DIPK1C: variants seen among roughly 807,000 people sequenced by gnomAD.
DIPK1C encodes the protein divergent protein kinase domain 1C, also known as familial non-conventional Alzheimer's dementia.
DIPK1C carries 33 observed loss-of-function variants against 28.0 expected under a neutral mutation model. The observed-to-expected ratio is 1.18, with a 90% confidence interval of 0.89 to 1.58. The LOEUF is 1.58. Among genes scored for constraint, DIPK1C ranks in the 40% most tolerant of loss-of-function variants. The pLI is 0.00. For missense variants in DIPK1C, 569 were observed against 568.5 expected (o/e 1.00, Z -0.01); for synonymous variants, 255 against 248.8 (o/e 1.02, Z -0.23).
At chr18:74,442,485 C>G (rs1427250618) in intron 2 of DIPK1C, among the ~76,000 whole-genome samples, 2 of 152,026 alleles carry the variant, frequency 1.3e-5, no homozygotes, top group African/African-American at 4.8e-5. Flanking sequence ...CCCACCACCA[C>G]ACCCGGCTAA....
upstream of DIPK1C, among the ~76,000 whole-genome samples, chr18:74,462,119 C>T (rs138957919): frequency 3.9e-5 from 6 of 152,254 alleles, no homozygotes; most frequent in African/African-American, 1.4e-4. Context: ...ATGAAATTTC[C>T]TGAGTTTTAG....
At chr18:74,453,816 C>T (rs1016008324) in intron 1 of DIPK1C, among the ~76,000 whole-genome samples, 3 of 152,224 alleles carry the variant, frequency 2.0e-5, no homozygotes, top group Non-Finnish European at 4.4e-5. Context: ...CAGGGCAAGT[C>T]ACTTCACCTC....
At chr18:74,463,861 C>T in the DIPK1C span, among the ~76,000 whole-genome samples, 1 of 152,288 alleles carries the variant, frequency 6.6e-6, no homozygotes, top group South Asian at 2.1e-4. Context: ...AAATCAGCAC[C>T]GACTGGGTGG....
chr18:74,454,820 G>A (rs935392903), intron 1 of DIPK1C, among the ~76,000 whole-genome samples: 1 of 152,086 alleles, frequency 6.6e-6, no homozygotes, highest in Admixed American at 6.5e-5. Flanking sequence ...TTTGAGCCAG[G>A]GCACTGTGTG....
chr18:74,454,161 C>T (rs1054518109), intron 1 of DIPK1C, among the ~76,000 whole-genome samples: 20 of 151,074 alleles, frequency 1.3e-4, no homozygotes, highest in African/African-American at 3.9e-4. Context: ...ATTAAAGCTG[C>T]CATTAAGAGG....
Position 74,436,567 on chromosome 18 carries a change from G to T in DIPK1C, c.1194C>A (p.Ser398Arg), listed in dbSNP as rs757175815. 6.2e-7 allele frequency: 1 copy of T among 1,610,370 alleles called. No homozygotes were observed. The highest frequency in any genetic ancestry group is 8.5e-7 in the Non-Finnish European group (1 of 1,179,202). ...GGAGTTGGCGAAGCTTCCAGAACAC[G>T]CTGGAGGCTGCTCTCCGGGTGTTCC... ...PSGNTRRAAS[S>R]VFWKLRQLLQ... is the part of the protein sequence containing the mutation. Residue 398 changes from serine to arginine, a missense_variant, in exon 4 of 4, where the codon AGC (serine) becomes AGA (arginine). Ser to Arg is a moderately radical substitution (Grantham distance 110, BLOSUM62 -1). Coordinates refer to ENST00000343998, the MANE Select transcript of DIPK1C (RefSeq NM_001044369.3).
rs1204205357 is a variant in DIPK1C, at chr18:74,455,748, G to GA, written c.198+1313dup. ...CATAAAAAAAAAAGAAAAAGAAAAA[G>GA]AAAAAAAAAACCAAACCAACAACAA... On this transcript the variant is annotated intron_variant, in intron 1 of 3. Coordinates refer to ENST00000343998, the MANE Select transcript of DIPK1C (RefSeq NM_001044369.3). Among the ~76,000 whole-genome samples the GA allele has an allele frequency of 2.6e-3, 327 of 125,814 alleles. 2 individuals are homozygous for GA. Among genetic ancestry groups the GA allele is most frequent in the Middle Eastern group, 0.013 (3 of 240 alleles). The allele number at this position is 125,814 out of a possible 152,430, so 82.5% of individuals were successfully genotyped here.
At position 74,457,084 on chromosome 18, in the gene DIPK1C, C is replaced by T. The variant is rs1986531385; in HGVS notation, c.176G>A (p.Ser59Asn). ...TACCAGCGCGGCCAGGATGCGCCGG[C>T]TCTTCTCGTCGGTGCAGCGCTCGGA... ...VLSERCTDEK[S>N]RRILAALCQD... Residue 59 changes from serine to asparagine, a missense_variant, in exon 1 of 4, where the codon AGC (serine) becomes AAC (asparagine). Physicochemically the swap from Ser to Asn is conservative, Grantham distance 46. Coordinates refer to ENST00000343998, the MANE Select transcript of DIPK1C (RefSeq NM_001044369.3). The T allele has an allele frequency of 6.1e-6, 9 of 1,467,578 alleles. No individual in the cohort carries two copies. The South Asian group carries it at 7.8e-5, about 13-fold the overall frequency. The allele number at this position is 1,467,578 out of a possible 1,614,324, so 90.9% of individuals were successfully genotyped here.
In DIPK1C at chr18:74,446,841, C is replaced by G; in HGVS notation, c.641G>C (p.Gly214Ala). The change falls in exon 2 of 4, where the codon GGT becomes GCT. Residue 214 changes from glycine (G) to alanine (A), a missense_variant. By Grantham distance (60) the Gly-to-Ala change is moderately conservative (BLOSUM62 0). Transcript: ENST00000343998. ...CACCGCGTAGAAGTGGCCGCAGGAACCCAGCACGGGCAGCACGTGTGGGCT... is the reference window on the plus strand; with the variant it reads ...CACCGCGTAGAAGTGGCCGCAGGAAGCCAGCACGGGCAGCACGTGTGGGCT... ...DLSPHVLPVL[G>A]SCGHFYAVEF... 1 of 1,504,510 alleles carries G rather than the reference C, an allele frequency of 6.6e-7. No individual in the cohort carries two copies. The highest frequency in any genetic ancestry group is 2.2e-5 in the Admixed American group (1 of 44,980). The allele number at this position is 1,504,510 out of a possible 1,614,324, so 93.2% of individuals were successfully genotyped here. A position where few individuals can be genotyped will look rare whatever the true frequency, so the allele number is the denominator to read the frequency against.
chr18:74,444,656 C>T (rs1986219195), intron 2 of DIPK1C, among the ~76,000 whole-genome samples: 3 of 152,150 alleles, frequency 2.0e-5, no homozygotes. Flanking sequence ...AAAAGTTGTA[C>T]AGTCTTGGGT....
chr18:74,444,174 A>G lies in DIPK1C; in HGVS notation c.877-2058T>C, dbSNP rs933606283. On this transcript the variant is annotated intron_variant, in intron 2 of 3. Transcript: ENST00000343998. ...TTCCTCCTGGCATCAGAGGAGGAAG[A>G]TGAATGAGAATTATTTCATTCTTCA... 2.0e-5 allele frequency among the ~76,000 whole-genome samples: 3 copies of G among 152,206 alleles called. No homozygotes were observed. The South Asian group carries it at 6.2e-4, about 32-fold the overall frequency.
At position 74,434,939 on chromosome 18, in the gene DIPK1C, A is replaced by G. The variant is rs1178807836; in HGVS notation, c.*1562T>C. The G allele has an allele frequency of 6.6e-6, 1 of 152,266 alleles. No individual in the cohort carries two copies. Among genetic ancestry groups the G allele is most frequent in the Admixed American group, 6.5e-5 (1 of 15,282 alleles). 9.4% of individuals were successfully genotyped at this position (152,266 alleles called of 1,614,324 possible). On this transcript the variant is annotated 3_prime_UTR_variant, in exon 4 of 4. Transcript: ENST00000343998. ...GGAAGATCCCCAGTGGTGATGGGTAAGAATAACAGCTGGCAGTGGGCCTTC... is the reference window on the plus strand; with the variant it reads ...GGAAGATCCCCAGTGGTGATGGGTAGGAATAACAGCTGGCAGTGGGCCTTC...
At position 74,441,941 on chromosome 18, in the gene DIPK1C, G is replaced by GA; in HGVS notation, c.1041+10dup. The stretch of plus-strand genomic sequence containing the variant: ...ACCCTCTCCTCCCCCAGCCCTGGCG[G>GA]ACTCTCATACCTGCAGGTTGTTGTT... On this transcript the variant is annotated intron_variant, in intron 3 of 3. Transcript: ENST00000343998. 1 of 1,610,008 alleles carries GA rather than the reference G, an allele frequency of 6.2e-7. No homozygotes were observed. The highest frequency in any genetic ancestry group is 8.5e-7 in the Non-Finnish European group (1 of 1,177,384).
At chr18:74,458,466 C>G (rs140974354), upstream of DIPK1C, among the ~76,000 whole-genome samples, 1 of 152,004 alleles carries the variant, frequency 6.6e-6, no homozygotes, top group Admixed American at 6.6e-5. Context: ...TTCTGCAACT[C>G]GCTGCTTTAA....
At chr18:74,442,453 A>T (rs555176050) in intron 2 of DIPK1C, among the ~76,000 whole-genome samples, 1 of 152,044 alleles carries the variant, frequency 6.6e-6, no homozygotes, top group African/African-American at 2.4e-5. Flanking sequence ...CTCAGCCTCC[A>T]GAGTAGCTGG....
Position 74,457,297 on chromosome 18 carries a change from G to T in DIPK1C, c.-38C>A, listed in dbSNP as rs1465483701. 4.1e-6 allele frequency: 4 copies of T among 983,410 alleles called. No homozygotes were observed. Among genetic ancestry groups the T allele is most frequent in the Non-Finnish European group, 3.6e-6 (3 of 828,772 alleles). 60.9% of individuals were successfully genotyped at this position (983,410 alleles called of 1,614,324 possible). A position where few individuals can be genotyped will look rare whatever the true frequency, so the allele number is the denominator to read the frequency against. Reference sequence around the variant, plus strand: ...CCGCGCCCGGGCCCCACCGCCGCCCGCGCCCCGAGTTCCGCACTCGCGTAG... The same window carrying T: ...CCGCGCCCGGGCCCCACCGCCGCCCTCGCCCCGAGTTCCGCACTCGCGTAG... On this transcript the variant is annotated 5_prime_UTR_variant, in exon 1 of 4. Transcript: ENST00000343998.
chr18:74,443,470 T>C (rs1288043442), intron 2 of DIPK1C, among the ~76,000 whole-genome samples: 3 of 152,202 alleles, frequency 2.0e-5, no homozygotes, highest in Non-Finnish European at 2.9e-5. Context: ...CCCTCTTCAA[T>C]TCTACGCAGT....
rs1317277713 is a variant in DIPK1C, at chr18:74,436,459, G to C, written c.*42C>G. 2 of 1,515,954 alleles carry C rather than the reference G, an allele frequency of 1.3e-6. No individual in the cohort carries two copies. Among genetic ancestry groups the C allele is most frequent in the Non-Finnish European group, 1.8e-6 (2 of 1,124,686 alleles). The allele number at this position is 1,515,954 out of a possible 1,614,324, so 93.9% of individuals were successfully genotyped here. A position where few individuals can be genotyped will look rare whatever the true frequency, so the allele number is the denominator to read the frequency against. Reference sequence around the variant, plus strand: ...ACAATGGCAGAAGAAATCCAGCCAAGGTCACTTTTCCTGTGTGAGCATGTT... The same window carrying C: ...ACAATGGCAGAAGAAATCCAGCCAACGTCACTTTTCCTGTGTGAGCATGTT... On this transcript the variant is annotated 3_prime_UTR_variant, in exon 4 of 4. Transcript: ENST00000343998.
At chr18:74,450,463 G>A (rs530842757) in intron 1 of DIPK1C, among the ~76,000 whole-genome samples, 2 of 152,308 alleles carry the variant, frequency 1.3e-5, no homozygotes, top group South Asian at 2.1e-4. Flanking sequence ...AGGGGAGGGC[G>A]GGGAGATGTG....
Sources: gnomAD v4.1 joint callset for allele counts (sites outside exome capture counted in the v4.1 genomes callset) on GRCh38, gnomAD v4.1.1 for gene constraint, MANE v1.5 for transcripts, NCBI Gene and HGNC (gene_info 2026-07-23, HGNC 2026-07-21) for gene names.